The following PRIM2 variants were observed in gnomAD, a reference collection of about 807,000 sequenced individuals.
The protein encoded by PRIM2 is DNA primase large subunit.
A neutral mutation model predicts 67.3 loss-of-function variants in PRIM2; 39 were observed. The ratio of observed to expected loss-of-function variants is 0.58; its 90% CI spans 0.45 to 0.76. The LOEUF is 0.76. PRIM2 is among the 30% of genes least tolerant of loss of function. The pLI, the probability that PRIM2 is intolerant of heterozygous loss-of-function variation, is 0.00. For missense variants in PRIM2, 398 were observed against 598.7 expected, an observed-to-expected ratio of 0.66 and a Z score of 3.50; for synonymous variants, 143 against 198.7, an observed-to-expected ratio of 0.72 and a Z score of 2.36.
chr6:57,409,244 T>C (rs1771003904), intron 7 of PRIM2, among the ~76,000 whole-genome samples: 1 of 152,014 alleles, frequency 6.6e-6, no homozygotes, highest in African/African-American at 2.4e-5. Flanking sequence ...AGCACGATCT[T>C]GGCTCACTGC....
intron 12 of PRIM2, among the ~76,000 whole-genome samples, chr6:57,630,402 A>G (rs1249330256): frequency 2.0e-5 from 3 of 152,002 alleles, no homozygotes; most frequent in Admixed American, 1.3e-4. Context: ...TTTTTTATGG[A>G]CCCTAAAAAT....
chr6:57,575,300 G>A (rs1775943580), intron 10 of PRIM2, among the ~76,000 whole-genome samples: 1 of 152,176 alleles, frequency 6.6e-6, no homozygotes, highest in Non-Finnish European at 1.5e-5. Context: ...CACACTAAAT[G>A]GTGATTTTTA....
At chr6:57,371,054 T>C (rs1375143526) in intron 5 of PRIM2, among the ~76,000 whole-genome samples, 2 of 151,876 alleles carry the variant, frequency 1.3e-5, no homozygotes, top group Non-Finnish European at 2.9e-5. Flanking sequence ...TTATTCTTCT[T>C]TGGGTGGGGG....
the PRIM2 span, among the ~76,000 whole-genome samples, chr6:57,272,997 C>T: frequency 6.6e-6 from 1 of 152,240 alleles, no homozygotes; most frequent in Admixed American, 6.5e-5. Context: ...GAGAGATCAG[C>T]TGTTTGTCTG....
intron 7 of PRIM2, among the ~76,000 whole-genome samples, chr6:57,505,738 G>A (rs1774237533): frequency 6.6e-6 from 1 of 152,206 alleles, no homozygotes; most frequent in African/African-American, 2.4e-5. Context: ...AGATGAAGGG[G>A]TAGATTTGAA....
intron 7 of PRIM2, among the ~76,000 whole-genome samples, chr6:57,425,072 T>G (rs1771577532): frequency 1.3e-5 from 2 of 152,220 alleles, no homozygotes; most frequent in Admixed American, 1.3e-4. Context: ...ATATTATACT[T>G]AGGAATAGCT....
At chr6:57,247,893 C>G in the PRIM2 span, among the ~76,000 whole-genome samples, 333 of 152,160 alleles carry the variant, frequency 2.2e-3, 1 homozygote, top group African/African-American at 7.7e-3. Context: ...GAGTTTCATT[C>G]TGAAATCCAG....
At chr6:57,418,148 C>A (rs556597087) in intron 7 of PRIM2, among the ~76,000 whole-genome samples, 1 of 151,798 alleles carries the variant, frequency 6.6e-6, no homozygotes, top group African/African-American at 2.4e-5. Flanking sequence ...AAGAAGAAGG[C>A]TTAAAAATGG....
intron 10 of PRIM2, among the ~76,000 whole-genome samples, chr6:57,594,979 A>G (rs1204478777): frequency 6.6e-6 from 1 of 152,216 alleles, no homozygotes; most frequent in Non-Finnish European, 1.5e-5. Context: ...CAGACATTTC[A>G]TAAAATAAGG....
the PRIM2 span, among the ~76,000 whole-genome samples, chr6:57,255,704 A>T: frequency 0.081 from 12,267 of 152,204 alleles, 555 homozygotes; most frequent in Non-Finnish European, 0.1. Context: ...AGCATAATAC[A>T]GAAATTCGTG....
chr6:57,385,781 C>G (rs958801802), intron 7 of PRIM2, among the ~76,000 whole-genome samples: 1 of 152,158 alleles, frequency 6.6e-6, no homozygotes, highest in Non-Finnish European at 1.5e-5. Flanking sequence ...TGCCTAGATT[C>G]AAGTTAGACA....
At chr6:57,591,802 A>C (rs1389165003) in intron 10 of PRIM2, among the ~76,000 whole-genome samples, 1 of 152,060 alleles carries the variant, frequency 6.6e-6, no homozygotes, top group Admixed American at 6.6e-5. Context: ...CATTCCACCC[A>C]GGAATCCCAT....
chr6:57,345,474 A>ATATGTGTGTGTGTGTGTGTGTG (rs1554327210), intron 5 of PRIM2, among the ~76,000 whole-genome samples: 1 of 124,596 alleles, frequency 8.0e-6, no homozygotes, highest in African/African-American at 3.2e-5. Flanking sequence ...ATATATATAT[A>ATATGTGTGTGTGTGTGTGTGTG]TGTGTGTGTG....
intron 7 of PRIM2, among the ~76,000 whole-genome samples, chr6:57,443,399 CCTTGCCACCACTTAATCCTTCAT>C (rs1252174347): frequency 1.2e-4 from 18 of 152,274 alleles, no homozygotes; most frequent in African/African-American, 4.3e-4. Flanking sequence ...TACTCCATGC[CCTTGCCACCACTTAATCCTTCAT>C]CTTTTTGATA....
chr6:57,438,132 C>T (rs1772074376), intron 7 of PRIM2, among the ~76,000 whole-genome samples: 1 of 152,142 alleles, frequency 6.6e-6, no homozygotes, highest in Non-Finnish European at 1.5e-5. Flanking sequence ...AAAGAATCAA[C>T]TAAAAATCCA....
the PRIM2 span, among the ~76,000 whole-genome samples, chr6:57,300,859 C>T: frequency 1.3e-5 from 2 of 151,978 alleles, no homozygotes; most frequent in Non-Finnish European, 2.9e-5. Context: ...TTCCCTCTTA[C>T]CAAAAAGGGA....
At chr6:57,545,771 T>C (rs1208284522) in intron 10 of PRIM2, among the ~76,000 whole-genome samples, 1 of 152,094 alleles carries the variant, frequency 6.6e-6, no homozygotes, top group Non-Finnish European at 1.5e-5. Context: ...TCCAAGAGAT[T>C]TATTTGGAAA....
intron 7 of PRIM2, among the ~76,000 whole-genome samples, chr6:57,506,246 C>CTTGTCAACAAAA (rs1774248707): frequency 6.6e-6 from 1 of 150,454 alleles, no homozygotes; most frequent in Non-Finnish European, 1.5e-5. Context: ...CGTGTTGACT[C>CTTGTCAACAAAA]TTGTACAAAA....
chr6:57,283,811 T>C, the PRIM2 span, among the ~76,000 whole-genome samples: 2 of 152,118 alleles, frequency 1.3e-5, no homozygotes, highest in African/African-American at 4.8e-5. Context: ...ACAAACTCGT[T>C]TGGGGCCTAA....
Sources: allele counts gnomAD v4.1 joint callset (sites outside exome capture counted in the v4.1 genomes callset), GRCh38; gene constraint gnomAD v4.1.1; transcripts MANE v1.5; gene names NCBI Gene and HGNC (gene_info 2026-07-23, HGNC 2026-07-21).